LMX1A: variants seen among roughly 807,000 people sequenced by gnomAD.
The protein encoded by LMX1A is LIM homeobox transcription factor 1 alpha.
In LMX1A, 15 loss-of-function variants were observed where a neutral mutation model predicts 49.1. That is an observed-to-expected ratio of 0.31 (90% CI 0.20 to 0.47). The LOEUF (loss-of-function observed/expected upper bound fraction) is 0.47. Among genes scored for constraint, LMX1A ranks in the 20% least tolerant of loss-of-function variants. LMX1A has a pLI of 1.00. For synonymous variants in LMX1A, 167 were observed against 185.7 expected, an observed-to-expected ratio of 0.90 and a Z score of 0.82; for missense variants, 372 against 475.8, an observed-to-expected ratio of 0.78 and a Z score of 2.03.
At position 165,296,038 on chromosome 1, in the gene LMX1A, A is replaced by G. The variant is rs116250277; in HGVS notation, c.264-46398T>C. 5.1e-3 allele frequency among the ~76,000 whole-genome samples: 773 copies of G among 152,358 alleles called. 5 individuals are homozygous for G. The highest frequency in any genetic ancestry group is 0.017 in the African/African-American group (727 of 41,580). On this transcript the variant is annotated intron_variant, in intron 3 of 8. Coordinates refer to ENST00000342310, the MANE Select transcript of LMX1A (RefSeq NM_177398.4). Reference sequence around the variant, plus strand: ...AGAGAACTTATTAAAGATCTGGTTTAGCAATCCCACTCAAAATATATACAT... The same window carrying G: ...AGAGAACTTATTAAAGATCTGGTTTGGCAATCCCACTCAAAATATATACAT...
chr1:165,325,465 G>GTATATACATA (rs1655543177), intron 3 of LMX1A, among the ~76,000 whole-genome samples: 3 of 6,670 alleles, frequency 4.5e-4, no homozygotes, highest in Non-Finnish European at 6.4e-4. Context: ...ATACATATGT[G>GTATATACATA]TGTGTGTGTG....
intron 4 of LMX1A, among the ~76,000 whole-genome samples, chr1:165,238,988 T>C (rs907195756): frequency 1.3e-5 from 2 of 152,248 alleles, no homozygotes; most frequent in East Asian, 3.8e-4. Flanking sequence ...GAATAATTCA[T>C]GTAAAATGCA....
chr1:165,253,952 A>AG (rs1653144442), intron 3 of LMX1A, among the ~76,000 whole-genome samples: 1 of 152,134 alleles, frequency 6.6e-6, no homozygotes, highest in Middle Eastern at 3.2e-3. Context: ...ATTGGGCAGA[A>AG]AATCCACCCA....
chr1:165,310,210 A>G (rs150543133), intron 3 of LMX1A, among the ~76,000 whole-genome samples: 1 of 152,294 alleles, frequency 6.6e-6, no homozygotes, highest in African/African-American at 2.4e-5. Context: ...ATGAATTTGA[A>G]TTCTTCATTA....
intron 6 of LMX1A, among the ~76,000 whole-genome samples, chr1:165,209,500 G>A (rs567821223): frequency 1.4e-4 from 21 of 152,256 alleles, no homozygotes; most frequent in African/African-American, 5.1e-4. Context: ...GGGATGGGCT[G>A]AAAGTTAAGT....
At chr1:165,316,573 A>T (rs1655235189) in intron 3 of LMX1A, among the ~76,000 whole-genome samples, 1 of 152,246 alleles carries the variant, frequency 6.6e-6, no homozygotes, top group African/African-American at 2.4e-5. Context: ...GGCAGGAAAA[A>T]CTGGGGCTTC....
intron 3 of LMX1A, among the ~76,000 whole-genome samples, chr1:165,331,295 A>G (rs1655735410): frequency 6.6e-6 from 1 of 152,240 alleles, no homozygotes; most frequent in Non-Finnish European, 1.5e-5. Context: ...AACTATAAAA[A>G]ATCAAATGAA....
At chr1:165,262,767 T>C (rs1306382935) in intron 3 of LMX1A, among the ~76,000 whole-genome samples, 2 of 152,226 alleles carry the variant, frequency 1.3e-5, no homozygotes, top group African/African-American at 4.8e-5. Flanking sequence ...TACTCCTCTC[T>C]TGATTCCATT....
At chr1:165,298,083 G>C (rs1654668537) in intron 3 of LMX1A, among the ~76,000 whole-genome samples, 1 of 152,208 alleles carries the variant, frequency 6.6e-6, no homozygotes, top group Non-Finnish European at 1.5e-5. Context: ...AAATAAACTT[G>C]AGATAAGAGT....
chr1:165,330,500 G>C (rs1655715613), intron 3 of LMX1A, among the ~76,000 whole-genome samples: 1 of 152,170 alleles, frequency 6.6e-6, no homozygotes, highest in South Asian at 2.1e-4. Context: ...TCTGAAACAA[G>C]TTTCCTCTTC....
chr1:165,289,610 C>T (rs952752228), intron 3 of LMX1A, among the ~76,000 whole-genome samples: 1 of 152,266 alleles, frequency 6.6e-6, no homozygotes, highest in Non-Finnish European at 1.5e-5. Context: ...ATTAGGTGCA[C>T]ACATTCACAC....
chr1:165,257,176 A>G (rs150637561), intron 3 of LMX1A, among the ~76,000 whole-genome samples: 1 of 151,972 alleles, frequency 6.6e-6, no homozygotes, highest in African/African-American at 2.4e-5. Context: ...AAATAGAACT[A>G]TTTTATGAAC....
intron 3 of LMX1A, among the ~76,000 whole-genome samples, chr1:165,324,544 A>G (rs1282732459): frequency 6.6e-6 from 1 of 152,188 alleles, no homozygotes; most frequent in Non-Finnish European, 1.5e-5. Flanking sequence ...ATCCAGCTCC[A>G]GGAGGACAAA....
chr1:165,345,341 T>C (rs1239507880), intron 3 of LMX1A, among the ~76,000 whole-genome samples: 1 of 152,156 alleles, frequency 6.6e-6, no homozygotes, highest in Non-Finnish European at 1.5e-5. Context: ...TAGAACCTGG[T>C]GCTAAGAGAT....
chr1:165,275,649 A>C (rs1429799714), intron 3 of LMX1A, among the ~76,000 whole-genome samples: 1 of 152,286 alleles, frequency 6.6e-6, no homozygotes, highest in South Asian at 2.1e-4. Flanking sequence ...TCAAACAAGA[A>C]GTAATCCTTC....
intron 8 of LMX1A, 57 bp from the exon 9 acceptor site, chr1:165,204,097 G>C: frequency 6.4e-7 from 1 of 1,568,088 alleles, no homozygotes; most frequent in Non-Finnish European, 8.7e-7. Context: ...TCATTTCAGT[G>C]CTAGGATATT....
intron 3 of LMX1A, among the ~76,000 whole-genome samples, chr1:165,282,552 G>A (rs1654186745): frequency 1.3e-5 from 2 of 152,088 alleles, no homozygotes; most frequent in Non-Finnish European, 2.9e-5. Flanking sequence ...TTGAATCTAT[G>A]GATGCAGAAC....
At chr1:165,206,111 AT>A in intron 7 of LMX1A, 77 bp from the exon 8 acceptor site, 1 of 1,336,576 alleles carries the variant, frequency 7.5e-7, no homozygotes, top group Non-Finnish European at 1.0e-6. Flanking sequence ...TGATTCCCTC[AT>A]TTATAAAATA....
chr1:165,251,465 AG>A (rs2102639800), intron 3 of LMX1A, among the ~76,000 whole-genome samples: 1 of 152,310 alleles, frequency 6.6e-6, no homozygotes, highest in East Asian at 1.9e-4. Context: ...AAATGGAGGT[AG>A]CGAGATGAGT....
Sources: allele counts gnomAD v4.1 joint callset (sites outside exome capture counted in the v4.1 genomes callset), GRCh38; gene constraint gnomAD v4.1.1; transcripts MANE v1.5; gene names NCBI Gene and HGNC (gene_info 2026-07-23, HGNC 2026-07-21).